Variants in FHIT observed in about 807,000 individuals in gnomAD.
The protein encoded by FHIT is bis(5'-adenosyl)-triphosphatase.
Under a neutral mutation model 17.9 loss-of-function variants are expected in FHIT, and 19 were observed. The observed-to-expected ratio is 1.06, with a 90% CI of 0.74 to 1.56. The LOEUF is 1.56. Among genes scored for constraint, FHIT ranks in the 40% most tolerant of loss-of-function variants. FHIT has a pLI of 0.00. For synonymous variants in FHIT, 81 were observed against 69.7 expected, an observed-to-expected ratio of 1.16 and a Z score of -0.81; for missense variants, 248 against 189.2, an observed-to-expected ratio of 1.31 and a Z score of -1.82.
intron 5 of FHIT, among the ~76,000 whole-genome samples, chr3:60,175,108 T>G (rs982632177): frequency 6.6e-6 from 1 of 152,218 alleles, no homozygotes; most frequent in Non-Finnish European, 1.5e-5. Flanking sequence ...GATGACACTA[T>G]GTCAACCTAT....
At chr3:60,666,183 C>G (rs536868325) in intron 4 of FHIT, among the ~76,000 whole-genome samples, 1 of 152,130 alleles carries the variant, frequency 6.6e-6, no homozygotes, top group Non-Finnish European at 1.5e-5. Context: ...AAATGTCTTT[C>G]CAATGTTCTT....
intron 3 of FHIT, among the ~76,000 whole-genome samples, chr3:60,960,898 T>C (rs1419042788): frequency 6.6e-6 from 1 of 152,240 alleles, no homozygotes; most frequent in Non-Finnish European, 1.5e-5. Flanking sequence ...AACACACGTG[T>C]GCATGTGTCT....
chr3:60,900,288 T>C (rs1298500757), intron 3 of FHIT, among the ~76,000 whole-genome samples: 1 of 152,032 alleles, frequency 6.6e-6, no homozygotes, highest in Non-Finnish European at 1.5e-5. Context: ...TAGCCAGGTG[T>C]GGTGGCCATG....
At chr3:60,230,710 T>G (rs1704453492) in intron 5 of FHIT, among the ~76,000 whole-genome samples, 1 of 152,206 alleles carries the variant, frequency 6.6e-6, no homozygotes, top group Non-Finnish European at 1.5e-5. Flanking sequence ...AGTATTATTT[T>G]TGTTTATTTG....
chr3:59,787,474 G>A (rs1214292317), intron 8 of FHIT, among the ~76,000 whole-genome samples: 1 of 136,994 alleles, frequency 7.3e-6, no homozygotes. Context: ...AGAAGCACAA[G>A]GGGCAAAACA....
chr3:59,877,152 T>C (rs1031626338), intron 8 of FHIT, among the ~76,000 whole-genome samples: 4 of 152,170 alleles, frequency 2.6e-5, no homozygotes, highest in Non-Finnish European at 5.9e-5. Flanking sequence ...AGTATGACAT[T>C]TATGCAACTG....
At chr3:60,807,948 A>G (rs2736736) in intron 4 of FHIT, among the ~76,000 whole-genome samples, 61,161 of 152,206 alleles carry the variant, frequency 0.4, 14,174 homozygotes, top group East Asian at 0.77. Flanking sequence ...ATCATCCTCC[A>G]TGGATCAGGA....
At chr3:61,126,671 C>T (rs1044780508) in intron 2 of FHIT, among the ~76,000 whole-genome samples, 10 of 151,990 alleles carry the variant, frequency 6.6e-5, no homozygotes, top group African/African-American at 9.7e-5. Context: ...AACACAGAGC[C>T]GAACCATATC....
chr3:60,343,620 C>G (rs1476795696), intron 5 of FHIT, among the ~76,000 whole-genome samples: 1 of 152,104 alleles, frequency 6.6e-6, no homozygotes, highest in Non-Finnish European at 1.5e-5. Context: ...CCCTTTGAAA[C>G]CTAATTAATA....
At chr3:59,941,797 C>G (rs541527196) in intron 7 of FHIT, among the ~76,000 whole-genome samples, 134 of 152,270 alleles carry the variant, frequency 8.8e-4, no homozygotes, top group African/African-American at 2.9e-3. Context: ...GCTCCCTGCT[C>G]TCTCCTGACA....
chr3:60,572,960 A>G (rs1318057745), intron 4 of FHIT, among the ~76,000 whole-genome samples: 1 of 152,152 alleles, frequency 6.6e-6, no homozygotes, highest in Non-Finnish European at 1.5e-5. Context: ...TGATGTCCCT[A>G]CAAGGTAGTT....
At chr3:60,465,784 T>C (rs1217396923) in intron 5 of FHIT, among the ~76,000 whole-genome samples, 2 of 152,176 alleles carry the variant, frequency 1.3e-5, no homozygotes, top group Non-Finnish European at 2.9e-5. Flanking sequence ...GCTGTTTTGG[T>C]TACTATATCT....
intron 5 of FHIT, among the ~76,000 whole-genome samples, chr3:60,127,312 T>C (rs1025101244): frequency 6.6e-6 from 1 of 152,226 alleles, no homozygotes; most frequent in African/African-American, 2.4e-5. Flanking sequence ...TACGCATTTC[T>C]ATCTCTGATA....
intron 5 of FHIT, among the ~76,000 whole-genome samples, chr3:60,245,346 C>T (rs1395532108): frequency 1.3e-5 from 2 of 152,026 alleles, no homozygotes; most frequent in African/African-American, 4.8e-5. Flanking sequence ...GGGCCCATAG[C>T]ATAAGCTCAA....
chr3:60,490,310 ACT>A (rs2034011297), intron 5 of FHIT, among the ~76,000 whole-genome samples: 1 of 152,028 alleles, frequency 6.6e-6, no homozygotes, highest in African/African-American at 2.4e-5. Flanking sequence ...TTCAAAATAA[ACT>A]CTCACCTTAG....
At chr3:60,033,030 A>T (rs1459473771) in intron 5 of FHIT, among the ~76,000 whole-genome samples, 1 of 152,218 alleles carries the variant, frequency 6.6e-6, no homozygotes, top group Non-Finnish European at 1.5e-5. Context: ...CAGTTAAAAA[A>T]AAATTCAATG....
intron 2 of FHIT, among the ~76,000 whole-genome samples, chr3:61,161,294 C>T (rs2037686155): frequency 6.6e-6 from 1 of 151,982 alleles, no homozygotes; most frequent in African/African-American, 2.4e-5. Context: ...CCTCCACCTC[C>T]AGATCCAAGT....
chr3:60,960,347 G>T (rs1254366767), intron 3 of FHIT, among the ~76,000 whole-genome samples: 2 of 152,148 alleles, frequency 1.3e-5, no homozygotes, highest in African/African-American at 4.8e-5. Flanking sequence ...CTCTTGGTTG[G>T]ACTCTAAATC....
intron 2 of FHIT, among the ~76,000 whole-genome samples, chr3:61,079,416 A>T (rs2035065690): frequency 6.6e-6 from 1 of 152,112 alleles, no homozygotes; most frequent in Non-Finnish European, 1.5e-5. Flanking sequence ...TACCTGCCAT[A>T]ATATGGAATA....
Sources: gnomAD v4.1 joint callset for allele counts (sites outside exome capture counted in the v4.1 genomes callset) on GRCh38, gnomAD v4.1.1 for gene constraint, MANE v1.5 for transcripts, NCBI Gene and HGNC (gene_info 2026-07-23, HGNC 2026-07-21) for gene names.